Variants in ANAPC4 observed in about 807,000 individuals in gnomAD.
ANAPC4 encodes anaphase promoting complex subunit 4.
A neutral mutation model predicts 119.8 loss-of-function variants in ANAPC4; 63 were observed. The ratio of observed to expected loss-of-function variants is 0.53; its 90% CI spans 0.43 to 0.65. ANAPC4 has a LOEUF of 0.65. ANAPC4 is among the 30% of genes least tolerant of loss of function. The pLI is 0.00. For synonymous variants in ANAPC4, 283 were observed against 318.6 expected, an observed-to-expected ratio of 0.89 and a Z score of 1.19; for missense variants, 716 against 945.1, an observed-to-expected ratio of 0.76 and a Z score of 3.18.
chr4:25,393,691 A>G (rs1722482862), intron 10 of ANAPC4, 114 bp from the exon 11 acceptor site: 1 of 576,066 alleles, frequency 1.7e-6, no homozygotes, highest in Non-Finnish European at 3.0e-6. Flanking sequence ...TAAAACAGTG[A>G]TTGAAAGTAA....
intron 8 of ANAPC4, 79 bp downstream of exon 8, chr4:25,390,299 C>T: frequency 9.5e-7 from 1 of 1,056,862 alleles, no homozygotes; most frequent in Non-Finnish European, 1.4e-6. Context: ...AAGAATAAAA[C>T]ACTAGGTTTT....
At chr4:25,387,386 G>A (rs941920228) in intron 4 of ANAPC4, among the ~76,000 whole-genome samples, 14 of 152,132 alleles carry the variant, frequency 9.2e-5, no homozygotes, top group Admixed American at 8.5e-4. Context: ...TTTCCTAAGG[G>A]AAGCCTGAAA....
chr4:25,397,395 G>T (rs1032693949), intron 16 of ANAPC4, among the ~76,000 whole-genome samples: 1 of 152,016 alleles, frequency 6.6e-6, no homozygotes, highest in African/African-American at 2.4e-5. Flanking sequence ...CTCTGCTTCA[G>T]CCTGCAGCTG....
chr4:25,388,779 A>G, intron 6 of ANAPC4, 36 bp downstream of exon 6: 7 of 1,603,496 alleles, frequency 4.4e-6, no homozygotes, highest in Non-Finnish European at 6.0e-6. Flanking sequence ...AAGTAAGATA[A>G]TCTGCTATTA....
chr4:25,400,699 AGAATT>A (rs532010557), intron 16 of ANAPC4, among the ~76,000 whole-genome samples: 202 of 152,330 alleles, frequency 1.3e-3, no homozygotes, highest in African/African-American at 4.5e-3. Flanking sequence ...GAGGAGCAAG[AGAATT>A]GTAGCAAGGA....
chr4:25,394,252 A>C (rs372998412), intron 11 of ANAPC4, 58 bp from the exon 12 acceptor site: 1 of 1,385,476 alleles, frequency 7.2e-7, no homozygotes, highest in South Asian at 1.3e-5. Context: ...ATTTTGAATA[A>C]ATATGCTTAT....
At chr4:25,383,190 A>G (rs1721840513) in intron 3 of ANAPC4, 71 bp from the exon 4 acceptor site, 2 of 1,388,462 alleles carry the variant, frequency 1.4e-6, no homozygotes, top group South Asian at 1.8e-5. Context: ...AAACTGGGCA[A>G]TAAGGGAAAT....
rs201616481 is a variant in ANAPC4 at position 25,416,512 on chromosome 4, T to C, written c.1989T>C (p.Asp663=). Residue 663 remains aspartate (D), a synonymous_variant, in exon 27 of 29, where the codon GAT becomes GAC. Coordinates refer to ENST00000315368, the MANE Select transcript of ANAPC4 (RefSeq NM_013367.3). Reference sequence around the variant, plus strand: ...ACACTGTAGGACGTGAAGGAAGAGATAGACTCTTGGTCCAGCTGCCTTTGT... The same window carrying C: ...ACACTGTAGGACGTGAAGGAAGAGACAGACTCTTGGTCCAGCTGCCTTTGT... ...LKDTVGREGR[D]RLLVQLPLSL... is the part of the protein sequence containing the mutation. The C allele has an allele frequency of 1.1e-5, 17 of 1,608,220 alleles. No individual in the cohort carries two copies. Among genetic ancestry groups the C allele is most frequent in the East Asian group, 2.2e-5 (1 of 44,796 alleles).
intron 3 of ANAPC4, among the ~76,000 whole-genome samples, chr4:25,383,028 AAGT>A (rs1721828966): frequency 6.6e-6 from 1 of 152,182 alleles, no homozygotes; most frequent in African/African-American, 2.4e-5. Flanking sequence ...CTACGTGAGA[AAGT>A]AGTAGATCTC....
chr4:25,416,604 TA>T lies in ANAPC4; in HGVS notation c.2075+7del, dbSNP rs1723890782. ...ACTGGGACTTATTCTACAAGGTAAC[TA>T]GTAACATTGTCTTTCTGATATTACA... On this transcript the variant is annotated splice_region_variant and intron_variant, in intron 27 of 28. Transcript: ENST00000315368. 1 of 1,506,058 alleles carries T rather than the reference TA, an allele frequency of 6.6e-7. No homozygotes were observed. The highest frequency in any genetic ancestry group is 9.0e-7 in the Non-Finnish European group (1 of 1,115,276). 93.3% of individuals were successfully genotyped at this position (1,506,058 alleles called of 1,614,324 possible). A position where few individuals can be genotyped will look rare whatever the true frequency, so the allele number is the denominator to read the frequency against.
intron 22 of ANAPC4, 187 bp downstream of exon 22, chr4:25,413,929 A>G (rs1032028842): frequency 4.2e-5 from 23 of 543,266 alleles, no homozygotes; most frequent in Non-Finnish European, 6.7e-5. Flanking sequence ...TTTCTTACAC[A>G]CGTGTGTGTG....
chr4:25,416,352 G>A, intron 26 of ANAPC4, 73 bp from the exon 27 acceptor site: 1 of 1,053,320 alleles, frequency 9.5e-7, no homozygotes, highest in Non-Finnish European at 1.3e-6. Context: ...CTTGCTGCCA[G>A]TATAACATGC....
In ANAPC4 at chr4:25,382,122, T is replaced by TC. The variant is rs869296902; in HGVS notation, c.236-1131dup. Among the ~76,000 whole-genome samples the TC allele has an allele frequency of 4.7e-3, 90 of 19,122 alleles. 2 individuals carry two copies. The highest frequency in any genetic ancestry group is 6.5e-4 in the Admixed American group (1 of 1,540). The allele number at this position is 19,122 out of a possible 152,430, so 12.5% of individuals were successfully genotyped here. A position where few individuals can be genotyped will look rare whatever the true frequency, so the allele number is the denominator to read the frequency against. On this transcript the variant is annotated intron_variant, in intron 3 of 28. Coordinates refer to ENST00000315368, the MANE Select transcript of ANAPC4 (RefSeq NM_013367.3). The stretch of plus-strand genomic sequence containing the variant: ...TTGTTGTATAGCTTTTTCTTTTTTT[T>TC]CCCCCCCCTCACTTTTTCCCATGTC...
chr4:25,378,477 G>C (rs907539261), intron 2 of ANAPC4, among the ~76,000 whole-genome samples: 3 of 152,230 alleles, frequency 2.0e-5, no homozygotes, highest in African/African-American at 7.2e-5. Flanking sequence ...CCGCTGCCGG[G>C]ATGCTTTGAA....
chr4:25,405,468 T>G lies in ANAPC4; in HGVS notation c.1271-105T>G. The G allele has an allele frequency of 2.0e-6, 2 of 987,396 alleles. No individual in the cohort carries two copies. The highest frequency in any genetic ancestry group is 3.0e-6 in the Non-Finnish European group (2 of 655,900). The allele number at this position is 987,396 out of a possible 1,614,324, so 61.2% of individuals were successfully genotyped here. A position where few individuals can be genotyped will look rare whatever the true frequency, so the allele number is the denominator to read the frequency against. On this transcript the variant is annotated intron_variant, in intron 17 of 28. Coordinates refer to ENST00000315368, the MANE Select transcript of ANAPC4 (RefSeq NM_013367.3). The surrounding 1 kb of genome is among the most constrained non-coding windows in gnomAD (Gnocchi z 4.6). Reference sequence around the variant, plus strand: ...TTGTTGGTGAAAAGCTGTGTAAAATTGAAGATTTAGTTCAGTCAAACACCT... The same window carrying G: ...TTGTTGGTGAAAAGCTGTGTAAAATGGAAGATTTAGTTCAGTCAAACACCT...
At chr4:25,406,957 A>ATTAAATTGGG in intron 19 of ANAPC4, 72 bp downstream of exon 19, 1 of 1,237,434 alleles carries the variant, frequency 8.1e-7, no homozygotes, top group Non-Finnish European at 1.1e-6. Flanking sequence ...ACAAGACATA[A>ATTAAATTGGG]TTAAATTTAA....
chr4:25,400,119 C>T (rs770801892), intron 16 of ANAPC4, among the ~76,000 whole-genome samples: 3 of 152,132 alleles, frequency 2.0e-5, no homozygotes, highest in African/African-American at 7.2e-5. Context: ...GCAAATATAG[C>T]CTCTTGAGGA....
At chr4:25,380,678 A>G (rs1306633891) in intron 3 of ANAPC4, 199 bp downstream of exon 3, 2 of 392,656 alleles carry the variant, frequency 5.1e-6, no homozygotes, top group East Asian at 3.9e-5. Context: ...TGGCAAAGAT[A>G]TCTCTTAAAT....
In ANAPC4 at chr4:25,377,360, G is replaced by A. The variant is rs1721457772; in HGVS notation, c.-11+16G>A. On this transcript the variant is annotated intron_variant, in intron 1 of 28. Coordinates refer to ENST00000315368, the MANE Select transcript of ANAPC4 (RefSeq NM_013367.3). ...ACTCTTGCAGGTACAGGCGCGGTCG[G>A]GGCTCCTCGTGGAGAGCCGGGGGCT... 6.3e-7 allele frequency: 1 copy of A among 1,592,376 alleles called. No individual in the cohort carries two copies. The highest frequency in any genetic ancestry group is 1.1e-5 in the South Asian group (1 of 88,062).
Sources: gnomAD v4.1 joint callset for allele counts (sites outside exome capture counted in the v4.1 genomes callset) on GRCh38, gnomAD v4.1.1 for gene constraint, Gnocchi (gnomAD v3.1) non-coding constraint, MANE v1.5 for transcripts, NCBI Gene and HGNC (gene_info 2026-07-23, HGNC 2026-07-21) for gene names.